THSD7B: variants seen among roughly 807,000 people sequenced by gnomAD.
The protein encoded by THSD7B is thrombospondin type-1 domain-containing protein 7B.
A neutral mutation model predicts 213.6 loss-of-function variants in THSD7B; 138 were observed. That is an observed-to-expected ratio of 0.65 (90% confidence interval 0.56 to 0.74). The LOEUF (loss-of-function observed/expected upper bound fraction) is 0.74, where lower values mean the gene tolerates loss of function less well. Ranked by LOEUF, THSD7B falls within the 30% of genes least tolerant of loss-of-function variation. THSD7B has a pLI of 0.00. For missense variants in THSD7B, 1,931 were observed against 1,991.5 expected, an observed-to-expected ratio of 0.97 and a Z score of 0.58; for synonymous variants, 742 against 687.0, an observed-to-expected ratio of 1.08 and a Z score of -1.25.
chr2:137,346,707 T>G (rs1246896983), intron 12 of THSD7B, among the ~76,000 whole-genome samples: 1 of 151,814 alleles, frequency 6.6e-6, no homozygotes, highest in African/African-American at 2.4e-5. Flanking sequence ...GATAGGATAG[T>G]GTGGGTTTGC....
chr2:137,225,347 T>C (rs1257194379), intron 7 of THSD7B, among the ~76,000 whole-genome samples: 1 of 152,194 alleles, frequency 6.6e-6, no homozygotes, highest in East Asian at 1.9e-4. Context: ...CTGGGCTTGC[T>C]CCCCCAGTGC....
chr2:137,617,959 G>C (rs527394105), intron 18 of THSD7B, among the ~76,000 whole-genome samples: 1 of 152,248 alleles, frequency 6.6e-6, no homozygotes, highest in South Asian at 2.1e-4. Flanking sequence ...ATCACCTAGA[G>C]GGTTAGGATT....
chr2:136,917,730 G>T lies in THSD7B; in HGVS notation c.139+35413G>T, dbSNP rs562932819. ...TAACCCGAGCCATAAGTAAAAGTTG[G>T]CCTACCGTCTGTTCTGTCACCCTGG... On this transcript the variant is annotated intron_variant, in intron 2 of 27. Coordinates refer to ENST00000409968, the MANE Select transcript of THSD7B (RefSeq NM_001316349.2). Among the ~76,000 whole-genome samples the T allele has an allele frequency of 2.6e-5, 4 of 152,300 alleles. No individual in the cohort carries two copies. In the South Asian group the frequency reaches 8.3e-4, roughly 32 times the overall value.
chr2:136,985,785 G>A (rs945633816), intron 2 of THSD7B, among the ~76,000 whole-genome samples: 1 of 152,182 alleles, frequency 6.6e-6, no homozygotes, highest in Non-Finnish European at 1.5e-5. Context: ...CCTGTGCCTG[G>A]AAAAGCCACA....
At chr2:136,775,225 A>T (rs990532198) in intron 1 of THSD7B, among the ~76,000 whole-genome samples, 1 of 152,166 alleles carries the variant, frequency 6.6e-6, no homozygotes, top group Non-Finnish European at 1.5e-5. Flanking sequence ...GTATTGAATT[A>T]AATGAAAGGG....
chr2:136,945,042 A>AT (rs1021522117), intron 2 of THSD7B, among the ~76,000 whole-genome samples: 10 of 151,966 alleles, frequency 6.6e-5, no homozygotes, highest in Admixed American at 6.6e-4. Context: ...GTTCCTTTCC[A>AT]TTTTTAGTGC....
At chr2:137,348,695 A>G (rs75642889) in intron 12 of THSD7B, among the ~76,000 whole-genome samples, 5,779 of 140,580 alleles carry the variant, frequency 0.041, 394 homozygotes, top group African/African-American at 0.14. Context: ...TCCTATCTCT[A>G]TGAACTCCTT....
chr2:137,035,729 G>A (rs1686762331), intron 2 of THSD7B, among the ~76,000 whole-genome samples: 1 of 152,046 alleles, frequency 6.6e-6, no homozygotes, highest in South Asian at 2.1e-4. Context: ...AGTATCGCAG[G>A]CAATACTTCC....
At chr2:137,326,645 G>A (rs968116543) in intron 12 of THSD7B, among the ~76,000 whole-genome samples, 1 of 152,142 alleles carries the variant, frequency 6.6e-6, no homozygotes, top group Non-Finnish European at 1.5e-5. Context: ...AGTAACAAAA[G>A]CTATCAGTTA....
At chr2:137,250,213 T>C (rs6707456) in intron 10 of THSD7B, among the ~76,000 whole-genome samples, 41,061 of 152,190 alleles carry the variant, frequency 0.27, 5,943 homozygotes, top group South Asian at 0.47. Context: ...ATAATTTATA[T>C]GCATTACTCT....
intron 9 of THSD7B, among the ~76,000 whole-genome samples, chr2:137,234,375 G>A (rs1046783609): frequency 6.6e-6 from 1 of 152,216 alleles, no homozygotes; most frequent in Non-Finnish European, 1.5e-5. Flanking sequence ...CACTGTCATG[G>A]AAGCCACTTT....
chr2:137,353,716 A>C (rs1685064493), intron 12 of THSD7B, among the ~76,000 whole-genome samples: 1 of 152,124 alleles, frequency 6.6e-6, no homozygotes, highest in Admixed American at 6.6e-5. Context: ...AAATACATAC[A>C]AATCAAAGAA....
At chr2:136,916,325 T>A (rs1009234646) in intron 2 of THSD7B, among the ~76,000 whole-genome samples, 2 of 152,200 alleles carry the variant, frequency 1.3e-5, no homozygotes, top group African/African-American at 4.8e-5. Flanking sequence ...TTGCTCCTTG[T>A]GGACTTGAAA....
intron 12 of THSD7B, among the ~76,000 whole-genome samples, chr2:137,325,880 T>C (rs1381508043): frequency 6.6e-6 from 1 of 152,234 alleles, no homozygotes; most frequent in Non-Finnish European, 1.5e-5. Context: ...TGGTTTTCCG[T>C]TGGCTTCACA....
At chr2:137,615,485 G>A (rs1278326116) in intron 17 of THSD7B, among the ~76,000 whole-genome samples, 6 of 152,314 alleles carry the variant, frequency 3.9e-5, no homozygotes, top group South Asian at 2.1e-4. Flanking sequence ...CTGGCAGGCC[G>A]GTTGACCTGG....
intron 15 of THSD7B, among the ~76,000 whole-genome samples, chr2:137,527,235 A>G (rs1340565805): frequency 2.0e-5 from 3 of 152,156 alleles, no homozygotes; most frequent in African/African-American, 7.2e-5. Flanking sequence ...GAATAATCTT[A>G]TTTGAATAGA....
chr2:136,907,931 G>GA (rs1300095469), intron 2 of THSD7B, among the ~76,000 whole-genome samples: 1 of 152,142 alleles, frequency 6.6e-6, no homozygotes, highest in Non-Finnish European at 1.5e-5. Flanking sequence ...ACTAATAGAG[G>GA]AAATTTGGCA....
intron 5 of THSD7B, among the ~76,000 whole-genome samples, chr2:137,127,983 C>CT (rs201675760): frequency 0.025 from 3,766 of 151,968 alleles, 165 homozygotes; most frequent in African/African-American, 0.085. Flanking sequence ...ATATTAAACA[C>CT]AATAAATATA....
intron 2 of THSD7B, among the ~76,000 whole-genome samples, chr2:136,890,353 T>C (rs1438268796): frequency 1.9e-4 from 2 of 10,662 alleles, no homozygotes; most frequent in African/African-American, 5.7e-4. Context: ...CTTCTTCTTC[T>C]TCTTCTTCTT....
Sources: allele counts gnomAD v4.1 joint callset (sites outside exome capture counted in the v4.1 genomes callset), GRCh38; gene constraint gnomAD v4.1.1; transcripts MANE v1.5; gene names NCBI Gene and HGNC (gene_info 2026-07-23, HGNC 2026-07-21).